CDCP1: variants seen among roughly 807,000 people sequenced by gnomAD.
CDCP1 encodes CUB domain containing protein 1.
A neutral mutation model predicts 60.2 loss-of-function variants in CDCP1; 29 were observed. The ratio of observed to expected loss-of-function variants is 0.48; its 90% CI spans 0.36 to 0.66. The LOEUF (loss-of-function observed/expected upper bound fraction) is 0.66, where lower values mean the gene tolerates loss of function less well. Among genes scored for constraint, CDCP1 ranks in the 30% least tolerant of loss-of-function variants. The pLI, the probability that CDCP1 is intolerant of heterozygous loss-of-function variation, is 0.00. For synonymous variants in CDCP1, 387 were observed against 431.1 expected (o/e 0.90, Z 1.27); for missense variants, 876 against 1,074.3 (o/e 0.82, Z 2.58).
At chr3:45,119,506 A>G (rs1209118423) in intron 1 of CDCP1, among the ~76,000 whole-genome samples, 1 of 152,214 alleles carries the variant, frequency 6.6e-6, no homozygotes, top group African/African-American at 2.4e-5. Context: ...GATCGTCTGT[A>G]GGTAAATCCT....
chr3:45,122,806 A>T (rs1176676069), intron 1 of CDCP1, among the ~76,000 whole-genome samples: 1 of 152,096 alleles, frequency 6.6e-6, no homozygotes, highest in Non-Finnish European at 1.5e-5. Context: ...TTCGACAAAC[A>T]TTTTCTGGGT....
At chr3:45,112,543 G>T in intron 2 of CDCP1, 98 bp from the exon 3 acceptor site, 1 of 1,514,778 alleles carries the variant, frequency 6.6e-7, no homozygotes, top group Non-Finnish European at 8.9e-7. Flanking sequence ...GACTCTTTGG[G>T]GCTCCCCCAA....
At chr3:45,135,297 G>GAA (rs66585079) in intron 1 of CDCP1, among the ~76,000 whole-genome samples, 1,827 of 139,172 alleles carry the variant, frequency 0.013, 17 homozygotes, top group South Asian at 0.03. Context: ...TGGGTGGATA[G>GAA]AAAAAAAAAA....
At chr3:45,140,319 C>T (rs1299140922) in intron 1 of CDCP1, among the ~76,000 whole-genome samples, 2 of 152,226 alleles carry the variant, frequency 1.3e-5, no homozygotes, top group African/African-American at 2.4e-5. Context: ...TCACCTTGTA[C>T]ATTTTTGCAT....
intron 4 of CDCP1, among the ~76,000 whole-genome samples, chr3:45,098,477 A>G (rs1482414559): frequency 6.6e-6 from 1 of 152,136 alleles, no homozygotes; most frequent in Admixed American, 6.5e-5. Flanking sequence ...GCTCTGTTCC[A>G]TTGCTCAATA....
chr3:45,135,057 T>C (rs977141601), intron 1 of CDCP1, among the ~76,000 whole-genome samples: 3 of 152,164 alleles, frequency 2.0e-5, no homozygotes, highest in African/African-American at 7.2e-5. Flanking sequence ...GGACAGCCAT[T>C]ATAAAAGGTG....
At chr3:45,090,927 G>A (rs1447832260) in intron 7 of CDCP1, among the ~76,000 whole-genome samples, 1 of 152,220 alleles carries the variant, frequency 6.6e-6, no homozygotes, top group Non-Finnish European at 1.5e-5. Flanking sequence ...ATGAATGACT[G>A]AGCCCTGATA....
intron 1 of CDCP1, among the ~76,000 whole-genome samples, chr3:45,126,182 C>CTT (rs1553611018): frequency 1.9e-5 from 2 of 102,718 alleles, no homozygotes; most frequent in Admixed American, 1.1e-4. Context: ...TTCCTTCTTT[C>CTT]TCTCTCTCTC....
intron 6 of CDCP1, among the ~76,000 whole-genome samples, chr3:45,092,415 G>A (rs1208375653): frequency 6.6e-6 from 1 of 152,038 alleles, no homozygotes; most frequent in Non-Finnish European, 1.5e-5. Context: ...CTCCTGACAC[G>A]TCAACTAATC....
intron 1 of CDCP1, among the ~76,000 whole-genome samples, chr3:45,135,118 C>T (rs769604767): frequency 3.9e-5 from 6 of 152,000 alleles, no homozygotes; most frequent in African/African-American, 9.7e-5. Flanking sequence ...TTACGGAAGG[C>T]GTTATATCAA....
rs768077161 is a variant in CDCP1, at chr3:45,112,164, C to A, written c.574G>T (p.Val192Leu). The part of the protein sequence containing the change: ...TVSRIKMQEG[V>L]KMALHLPWFH... ...CATGGGAGGTGTAAGGCCATTTTCA[C>A]TCCTTCTTGCATCTTGATCCGGGAC... The change falls in exon 3 of 9, where the codon GTG (valine) becomes TTG (leucine). Residue 192 changes from valine (V) to leucine (L), a missense_variant. Transcript: ENST00000296129. 1.2e-6 allele frequency: 2 copies of A among 1,614,194 alleles called. No individual in the cohort carries two copies. The highest frequency in any genetic ancestry group is 1.7e-6 in the Non-Finnish European group (2 of 1,180,042).
intron 4 of CDCP1, among the ~76,000 whole-genome samples, chr3:45,099,584 C>T (rs1698457106): frequency 6.6e-6 from 1 of 152,134 alleles, no homozygotes; most frequent in South Asian, 2.1e-4. Flanking sequence ...GATTCCCTTC[C>T]CTCTATTTTT....
In CDCP1 at chr3:45,134,216, C is replaced by T. The variant is rs144675996; in HGVS notation, c.82+11990G>A. ...CTATGCTCACTGCAAGCTCCGCCTC[C>T]GGGGTTCACATCATTCTCCTGCCTC... On this transcript the variant is annotated intron_variant, in intron 1 of 8. Transcript: ENST00000296129. Among the ~76,000 whole-genome samples the T allele has an allele frequency of 4.7e-3, 720 of 152,190 alleles. 5 individuals carry two copies. The highest frequency in any genetic ancestry group is 0.016 in the African/African-American group (684 of 41,518).
rs1698299009 is a variant in CDCP1, at chr3:45,091,685, C to T, written c.1628-147G>A. 7.0e-6 allele frequency: 7 copies of T among 997,228 alleles called. No individual in the cohort carries two copies. Among genetic ancestry groups the T allele is most frequent in the Non-Finnish European group, 1.0e-5 (7 of 700,500 alleles). 61.8% of individuals were successfully genotyped at this position (997,228 alleles called of 1,614,324 possible). On this transcript the variant is annotated intron_variant, in intron 6 of 8. Coordinates refer to ENST00000296129, the MANE Select transcript of CDCP1 (RefSeq NM_022842.5). This position sits in a 1 kb window ranked among gnomAD's most constrained non-coding sequence, Gnocchi z 4.8. ...CGATGATGGAAATCTTCTAGATCTG[C>T]ACCATCTGATAGGGTAGCCACCAGC...
intron 1 of CDCP1, 144 bp from the exon 2 acceptor site, chr3:45,118,765 A>G: frequency 4.7e-6 from 3 of 640,746 alleles, no homozygotes; most frequent in East Asian, 5.5e-5. Context: ...AGGGTGGTGC[A>G]AAATGACAGT....
At chr3:45,092,314 G>A (rs1349914314) in intron 6 of CDCP1, among the ~76,000 whole-genome samples, 1 of 152,184 alleles carries the variant, frequency 6.6e-6, no homozygotes. Flanking sequence ...TGCCCTCTCC[G>A]GGGTGGGGCT....
chr3:45,090,844 G>A (rs1289711463), intron 7 of CDCP1, among the ~76,000 whole-genome samples: 1 of 152,154 alleles, frequency 6.6e-6, no homozygotes. Context: ...TCTTGGCTGA[G>A]CCTCAGCTTT....
chr3:45,121,535 C>T (rs1429785669), intron 1 of CDCP1, among the ~76,000 whole-genome samples: 1 of 152,214 alleles, frequency 6.6e-6, no homozygotes, highest in Non-Finnish European at 1.5e-5. Context: ...GCCCATCTAG[C>T]TATGTTACCA....
At chr3:45,088,987 A>G (rs934853416) in intron 8 of CDCP1, 67 bp downstream of exon 8, 9 of 1,253,980 alleles carry the variant, frequency 7.2e-6, no homozygotes, top group Non-Finnish European at 1.0e-5. Flanking sequence ...ATAATGAACA[A>G]TCCACCCAGT....
Sources: allele counts gnomAD v4.1 joint callset (sites outside exome capture counted in the v4.1 genomes callset), GRCh38; gene constraint gnomAD v4.1.1; non-coding constraint Gnocchi (gnomAD v3.1); transcripts MANE v1.5; gene names NCBI Gene and HGNC (gene_info 2026-07-23, HGNC 2026-07-21).